Variants in IL1RAPL1 observed in about 807,000 individuals in gnomAD.
IL1RAPL1 encodes interleukin-1 receptor accessory protein-like 1.
Under a neutral mutation model 48.4 loss-of-function variants are expected in IL1RAPL1, and 3 were observed. The observed-to-expected ratio is 0.06, with a 90% CI of 0.03 to 0.16. The LOEUF (loss-of-function observed/expected upper bound fraction) is 0.16. Among genes scored for constraint, IL1RAPL1 ranks in the 10% least tolerant of loss-of-function variants. The pLI is 1.00. For synonymous variants in IL1RAPL1, 185 were observed against 187.7 expected, an observed-to-expected ratio of 0.99 and a Z score of 0.12; for missense variants, 349 against 530.6, an observed-to-expected ratio of 0.66 and a Z score of 3.36.
At chrX:29,786,599 T>TTTTG (rs1929505997) in intron 6 of IL1RAPL1, among the ~76,000 whole-genome samples, 1 of 111,767 alleles carries the variant, frequency 8.9e-6, no homozygotes, top group African/African-American at 3.3e-5. Context: ...AAAAGATCTC[T>TTTTG]TTTGTTTAAT....
At chrX:29,517,668 C>T (rs944209009) in intron 5 of IL1RAPL1, among the ~76,000 whole-genome samples, 4 of 112,209 alleles carry the variant, frequency 3.6e-5, no homozygotes, top group Non-Finnish European at 7.5e-5. Flanking sequence ...AAATAACACA[C>T]TCAGTGTGAT....
chrX:29,131,800 C>T (rs943489893), intron 2 of IL1RAPL1, among the ~76,000 whole-genome samples: 1 of 111,585 alleles, frequency 9.0e-6, no homozygotes, highest in Non-Finnish European at 1.9e-5. Context: ...AACAAAAAGA[C>T]AGATGATCTG....
intron 6 of IL1RAPL1, among the ~76,000 whole-genome samples, chrX:29,743,829 C>T (rs1180882164): frequency 8.9e-6 from 1 of 112,303 alleles, no homozygotes; most frequent in Non-Finnish European, 1.9e-5. Flanking sequence ...AGCTTGCCTT[C>T]ATGCTGTTAT....
At chrX:29,589,431 T>A (rs1415141189) in intron 5 of IL1RAPL1, among the ~76,000 whole-genome samples, 1 of 110,577 alleles carries the variant, frequency 9.0e-6, no homozygotes, top group East Asian at 2.8e-4. Flanking sequence ...ATTATCATAT[T>A]TTCCATGGCA....
At chrX:29,067,991 C>T (rs759425821) in intron 2 of IL1RAPL1, among the ~76,000 whole-genome samples, 1 of 111,500 alleles carries the variant, frequency 9.0e-6, no homozygotes, top group Non-Finnish European at 1.9e-5. Flanking sequence ...TTTTAATGGT[C>T]CTTATATTCA....
intron 6 of IL1RAPL1, among the ~76,000 whole-genome samples, chrX:29,732,875 A>T (rs1430099905): frequency 8.9e-6 from 1 of 112,038 alleles, no homozygotes; most frequent in Non-Finnish European, 1.9e-5. Flanking sequence ...AATTTGTCGC[A>T]CATTTGTAAT....
At chrX:29,108,120 G>A (rs1455717879) in intron 2 of IL1RAPL1, among the ~76,000 whole-genome samples, 1 of 111,830 alleles carries the variant, frequency 8.9e-6, no homozygotes, top group Non-Finnish European at 1.9e-5. Context: ...GGCAATCAGC[G>A]TTCAGAGTTC....
intron 2 of IL1RAPL1, among the ~76,000 whole-genome samples, chrX:29,146,735 T>A (rs1929359720): frequency 8.9e-6 from 1 of 112,002 alleles, no homozygotes; most frequent in Non-Finnish European, 1.9e-5. Context: ...GGAGTAGGCA[T>A]GAAAACAAGT....
intron 3 of IL1RAPL1, among the ~76,000 whole-genome samples, chrX:29,394,093 C>T (rs1479425711): frequency 1.8e-5 from 2 of 109,017 alleles, no homozygotes; most frequent in African/African-American, 6.7e-5. Flanking sequence ...TCTTGATCAT[C>T]TTGGATGCCT....
chrX:29,016,146 CTCACAGAGT>C (rs1926235986), intron 2 of IL1RAPL1, among the ~76,000 whole-genome samples: 1 of 111,677 alleles, frequency 9.0e-6, no homozygotes, highest in Non-Finnish European at 1.9e-5. Context: ...TGGTCTCAAA[CTCACAGAGT>C]AGTGTGGGAG....
intron 1 of IL1RAPL1, among the ~76,000 whole-genome samples, chrX:28,607,072 C>T (rs996908942): frequency 9.2e-6 from 1 of 109,212 alleles, no homozygotes; most frequent in African/African-American, 3.3e-5. Context: ...TTTCTGAATA[C>T]TGAATAGATG....
chrX:29,646,506 CA>C (rs1347002731), intron 5 of IL1RAPL1, among the ~76,000 whole-genome samples: 1 of 110,538 alleles, frequency 9.0e-6, no homozygotes, highest in Admixed American at 9.6e-5. Flanking sequence ...TAAGAGGAAA[CA>C]AAGGAATATA....
At chrX:28,774,831 C>T (rs1309571378) in intron 1 of IL1RAPL1, among the ~76,000 whole-genome samples, 1 of 111,473 alleles carries the variant, frequency 9.0e-6, no homozygotes, top group Non-Finnish European at 1.9e-5. Context: ...CTTTCTATGC[C>T]CCTAGCCTTC....
chrX:28,777,030 G>A (rs1936369574), intron 1 of IL1RAPL1, among the ~76,000 whole-genome samples: 1 of 111,947 alleles, frequency 8.9e-6, no homozygotes, highest in Non-Finnish European at 1.9e-5. Context: ...AAACTTCGTG[G>A]CTCAAAACAA....
At chrX:29,276,022 C>T (rs1446079975) in intron 2 of IL1RAPL1, among the ~76,000 whole-genome samples, 3 of 112,235 alleles carry the variant, frequency 2.7e-5, no homozygotes, top group Non-Finnish European at 5.6e-5. Context: ...TAAATCTGTG[C>T]CTTGAACCCT....
chrX:28,677,851 G>C lies in IL1RAPL1; in HGVS notation c.-25+89804G>C, dbSNP rs367747088. On this transcript the variant is annotated intron_variant, in intron 1 of 10. Coordinates refer to ENST00000378993, the MANE Select transcript of IL1RAPL1 (RefSeq NM_014271.4). ...GATCTGCCTCTCTTAGCCTCCCAAAGTGTTGGGATTATAGATGTAAGCCAC... is the reference window on the plus strand; with the variant it reads ...GATCTGCCTCTCTTAGCCTCCCAAACTGTTGGGATTATAGATGTAAGCCAC... Among the ~76,000 whole-genome samples the C allele has an allele frequency of 5.4e-5, 6 of 111,496 alleles. No homozygotes were observed. The East Asian group carries it at 1.4e-3, about 26-fold the overall frequency.
chrX:28,670,980 A>T (rs1934942028), intron 1 of IL1RAPL1, among the ~76,000 whole-genome samples: 1 of 112,202 alleles, frequency 8.9e-6, no homozygotes, highest in African/African-American at 3.2e-5. Flanking sequence ...ATTCTTCTGA[A>T]GTTTAAGTCT....
chrX:29,936,202 A>C (rs907305506), intron 8 of IL1RAPL1, among the ~76,000 whole-genome samples: 1 of 110,805 alleles, frequency 9.0e-6, no homozygotes, highest in African/African-American at 3.3e-5. Context: ...GCCAGGAACA[A>C]ATAAGTTATA....
chrX:29,034,865 T>C (rs932953473), intron 2 of IL1RAPL1, among the ~76,000 whole-genome samples: 1 of 107,974 alleles, frequency 9.3e-6, no homozygotes, highest in Non-Finnish European at 1.9e-5. Context: ...TTTTTTTTTT[T>C]CTTTATTGAG....
Sources: allele counts gnomAD v4.1 joint callset (sites outside exome capture counted in the v4.1 genomes callset), GRCh38; gene constraint gnomAD v4.1.1; transcripts MANE v1.5; gene names NCBI Gene and HGNC (gene_info 2026-07-23, HGNC 2026-07-21).